The following PNPLA8 variants were observed in gnomAD, a reference collection of about 807,000 sequenced individuals.
PNPLA8 encodes patatin like domain 8, phospholipase A2.
A neutral mutation model predicts 76.9 loss-of-function variants in PNPLA8; 39 were observed. That is an observed-to-expected ratio of 0.51 (90% CI 0.39 to 0.66). The LOEUF is 0.66. PNPLA8 is among the 30% of genes least tolerant of loss of function. PNPLA8 has a pLI of 0.00. For missense variants in PNPLA8, 887 were observed against 918.0 expected (o/e 0.97, Z 0.44); for synonymous variants, 301 against 307.9 (o/e 0.98, Z 0.24).
upstream of PNPLA8, among the ~76,000 whole-genome samples, chr7:108,526,607 T>C (rs886286483): frequency 6.6e-6 from 1 of 152,214 alleles, no homozygotes. Flanking sequence ...ACCAGTCTCT[T>C]GGAGGGTGGT....
intron 4 of PNPLA8, among the ~76,000 whole-genome samples, chr7:108,506,127 C>T (rs537589260): frequency 3.3e-4 from 50 of 152,230 alleles, no homozygotes; most frequent in African/African-American, 1.2e-3. Context: ...GCTGTAATCC[C>T]AATACTTTGG....
rs755156310 is a variant in PNPLA8 at position 108,472,715 on chromosome 7, A to AGAGGG, written c.2075-45_2075-41dup. ...AAGAAAAGGATAAGGGGATAAGAAA[A>AGAGGG]GAGGGGATAAAGTGAGCAATGAACT... On this transcript the variant is annotated intron_variant, in intron 10 of 10. Transcript: ENST00000257694. 2.1e-6 allele frequency: 3 copies of AGAGGG among 1,435,574 alleles called. No homozygotes were observed. In the African/African-American group the frequency reaches 4.3e-5, roughly 21 times the overall value. 88.9% of individuals were successfully genotyped at this position (1,435,574 alleles called of 1,614,324 possible).
intron 4 of PNPLA8, chr7:108,510,983 T>C: frequency 1.3e-6 from 2 of 1,482,434 alleles, no homozygotes; most frequent in Non-Finnish European, 1.8e-6. Context: ...CTAAGGTGTC[T>C]ACCATGACTA....
At chr7:108,488,058 A>AT (rs1860876330) in intron 8 of PNPLA8, 105 bp from the exon 9 acceptor site, 1 of 534,664 alleles carries the variant, frequency 1.9e-6, no homozygotes, top group Admixed American at 3.5e-5. Flanking sequence ...CTACAACTAT[A>AT]TGTGTAACAA....
At position 108,507,856 on chromosome 7, in the gene PNPLA8, A is replaced by G. The variant is rs567154545; in HGVS notation, c.1207-5214T>C. Among the ~76,000 whole-genome samples, 57 of 151,056 alleles carry G rather than the reference A, an allele frequency of 3.8e-4. 1 individual carries two copies. Among genetic ancestry groups the G allele is most frequent in the African/African-American group, 1.4e-3 (56 of 40,998 alleles). Reference sequence around the variant, plus strand: ...CAAGTGGGCTTCATCCCTGGGATGCAAGGCTGGTTCAATATACGCAAATCA... The same window carrying G: ...CAAGTGGGCTTCATCCCTGGGATGCGAGGCTGGTTCAATATACGCAAATCA... On this transcript the variant is annotated intron_variant, in intron 4 of 10. Transcript: ENST00000257694.
At chr7:108,505,155 T>C (rs1231591528) in intron 4 of PNPLA8, among the ~76,000 whole-genome samples, 2 of 150,656 alleles carry the variant, frequency 1.3e-5, no homozygotes, top group East Asian at 1.9e-4. Flanking sequence ...GTCTTTTCAA[T>C]AAATGGTGCT....
chr7:108,495,391 CAT>C (rs1374465742), intron 7 of PNPLA8, among the ~76,000 whole-genome samples: 2 of 152,038 alleles, frequency 1.3e-5, no homozygotes, highest in Non-Finnish European at 2.9e-5. Context: ...TATTAACTGA[CAT>C]AGGAAATAAT....
At chr7:108,510,706 T>A (rs1862854038) in intron 4 of PNPLA8, 1 of 1,600,144 alleles carries the variant, frequency 6.2e-7, no homozygotes, top group Admixed American at 1.7e-5. Flanking sequence ...AGAGTGGTTA[T>A]GGCAAAATCA....
chr7:108,506,270 C>T (rs1037440098), intron 4 of PNPLA8, among the ~76,000 whole-genome samples: 3 of 151,930 alleles, frequency 2.0e-5, no homozygotes, highest in African/African-American at 4.8e-5. Flanking sequence ...CCCAGCTACT[C>T]GGGAGGCTGA....
chr7:108,479,263 A>T lies in PNPLA8; in HGVS notation c.1995T>A (p.Ser665Arg). The change falls in exon 10 of 11, where the codon AGT becomes AGA. Residue 665 changes from serine (S) to arginine (R), a missense_variant. Coordinates refer to ENST00000257694, the MANE Select transcript of PNPLA8 (RefSeq NM_001256007.3). Reference sequence around the variant, plus strand: ...TGTATGTTACCGTGTTTCTCACATCACTCTCATAACGTCCAGTGCCCAGGG... The same window carrying T: ...TGTATGTTACCGTGTTTCTCACATCTCTCTCATAACGTCCAGTGCCCAGGG... Reference protein sequence around the residue: ...IVSLGTGRYESDVRNTVTYTS... With the variant: ...IVSLGTGRYERDVRNTVTYTS... 1.2e-6 allele frequency: 2 copies of T among 1,613,262 alleles called. No homozygotes were observed. Among genetic ancestry groups the T allele is most frequent in the Non-Finnish European group, 1.7e-6 (2 of 1,179,296 alleles).
intron 9 of PNPLA8, chr7:108,480,781 G>A: frequency 2.7e-6 from 1 of 371,754 alleles, no homozygotes; most frequent in Non-Finnish European, 5.6e-6. Context: ...TTTTTGGTAT[G>A]CAGCTCTATG....
intron 10 of PNPLA8, among the ~76,000 whole-genome samples, chr7:108,478,248 G>A (rs1242422799): frequency 6.6e-6 from 1 of 152,098 alleles, no homozygotes. Flanking sequence ...TAGAGAGAGA[G>A]TACAGCAACT....
chr7:108,502,138 G>A (rs1045416465), intron 5 of PNPLA8, among the ~76,000 whole-genome samples: 2 of 150,336 alleles, frequency 1.3e-5, no homozygotes, highest in African/African-American at 2.4e-5. Flanking sequence ...AATTGAATCT[G>A]TAGTTTTTAA....
chr7:108,498,062 CA>C lies in PNPLA8; in HGVS notation c.1359-486del, dbSNP rs1861676002. On this transcript the variant is annotated intron_variant, in intron 5 of 10. Coordinates refer to ENST00000257694, the MANE Select transcript of PNPLA8 (RefSeq NM_001256007.3). ...ACTCAAATACACTTCTTAAGAATGC[CA>C]AAAACCAACAAACAACTAAATAAGA... Among the ~76,000 whole-genome samples, 3 of 122,640 alleles carry C rather than the reference CA, an allele frequency of 2.4e-5. No individual in the cohort carries two copies. In the Admixed American group the frequency reaches 2.5e-4, roughly 10 times the overall value. 80.5% of individuals were successfully genotyped at this position (122,640 alleles called of 152,430 possible).
rs1399455463 is a variant in PNPLA8 at position 108,496,061 on chromosome 7, TTCTC to T, written c.1625+519_1625+522del. Among the ~76,000 whole-genome samples the T allele has an allele frequency of 3.3e-5, 5 of 152,156 alleles. No individual in the cohort carries two copies. The South Asian group carries it at 8.3e-4, about 25-fold the overall frequency. On this transcript the variant is annotated intron_variant, in intron 7 of 10. Coordinates refer to ENST00000257694, the MANE Select transcript of PNPLA8 (RefSeq NM_001256007.3). ...GGAGCCTGAGCAACATGGTGAAATCTTCTCTCTACTAAAAACAGAAAAAATTAGC... is the reference window on the plus strand; with the variant it reads ...GGAGCCTGAGCAACATGGTGAAATCTTCTACTAAAAACAGAAAAAATTAGC...
In PNPLA8 at chr7:108,514,586, T is replaced by G; in HGVS notation, c.906A>C (p.Val302=). 6.2e-7 allele frequency: 1 copy of G among 1,614,118 alleles called. No homozygotes were observed. The stretch of plus-strand genomic sequence containing the variant: ...GGACAAGTCCACCAATATAACCACC[T>G]ACTAAAGCTTGTACACCTTCCGTGG... ...SRPTEGVQAL[V]GGYIGGLVPK... Residue 302 remains valine, a synonymous_variant, in exon 3 of 11, where the codon GTA becomes GTC. Transcript: ENST00000257694.
At position 108,495,092 on chromosome 7, in the gene PNPLA8, C is replaced by T. The variant is rs192500237; in HGVS notation, c.1625+1492G>A. On this transcript the variant is annotated intron_variant, in intron 7 of 10. Transcript: ENST00000257694. ...ACAAATATTTCATGAAATAGAAATACAAATTGATGTTGGCAGATGAATAAG... is the reference window on the plus strand; with the variant it reads ...ACAAATATTTCATGAAATAGAAATATAAATTGATGTTGGCAGATGAATAAG... Among the ~76,000 whole-genome samples the T allele has an allele frequency of 3.4e-4, 51 of 152,120 alleles. No homozygotes were observed. The Middle Eastern group carries it at 0.014, about 41-fold the overall frequency.
At chr7:108,511,039 G>GC in intron 4 of PNPLA8, 2 of 331,662 alleles carry the variant, frequency 6.0e-6, no homozygotes, top group East Asian at 5.5e-5. Context: ...CTCTCAAATT[G>GC]GAAAAAAAAA....
chr7:108,523,248 G>C (rs40889), intron 1 of PNPLA8, among the ~76,000 whole-genome samples: 3,408 of 152,230 alleles, frequency 0.022, 134 homozygotes, highest in African/African-American at 0.078. Flanking sequence ...TACAGAGTAT[G>C]TCACTTAATT....
Sources: gnomAD v4.1 joint callset for allele counts (sites outside exome capture counted in the v4.1 genomes callset) on GRCh38, gnomAD v4.1.1 for gene constraint, MANE v1.5 for transcripts, NCBI Gene and HGNC (gene_info 2026-07-23, HGNC 2026-07-21) for gene names.